TXNL4A: variants seen among roughly 807,000 people sequenced by gnomAD.
The protein encoded by TXNL4A is thioredoxin-like protein 4A.
A neutral mutation model predicts 14.6 loss-of-function variants in TXNL4A; 17 were observed. The ratio of observed to expected loss-of-function variants is 1.16; its 90% CI spans 0.80 to 1.74. TXNL4A has a LOEUF of 1.74. TXNL4A is among the 40% of genes most tolerant of loss of function. TXNL4A has a pLI of 0.00. For synonymous variants in TXNL4A, 83 were observed against 70.6 expected (o/e 1.18, Z -0.88); for missense variants, 74 against 195.2 (o/e 0.38, Z 3.70).
Position 79,976,742 on chromosome 18 carries a change from G to A in TXNL4A, c.257+856C>T. ...CCGAGTAGGAGGCTCCACTTTTGGA[G>A]AATGGTCTAATGCTCATGTAGCTAA... On this transcript the variant is annotated intron_variant, in intron 2 of 2. Transcript: ENST00000269601. 9 of 455,960 alleles carry A rather than the reference G, an allele frequency of 2.0e-5. No individual in the cohort carries two copies. In the Middle Eastern group the frequency reaches 2.9e-3, roughly 148 times the overall value. 28.2% of individuals were successfully genotyped at this position (455,960 alleles called of 1,614,324 possible). A position where few individuals can be genotyped will look rare whatever the true frequency, so the allele number is the denominator to read the frequency against.
At chr18:79,994,724 T>TTC (rs2051649472) in intron 1 of TXNL4A, among the ~76,000 whole-genome samples, 1 of 152,184 alleles carries the variant, frequency 6.6e-6, no homozygotes, top group East Asian at 1.9e-4. Context: ...CTCTAATCGT[T>TTC]TCTCTCTCTT....
At chr18:79,981,446 C>T (rs186637996) in intron 1 of TXNL4A, among the ~76,000 whole-genome samples, 435 of 152,012 alleles carry the variant, frequency 2.9e-3, no homozygotes, top group African/African-American at 9.4e-3. Flanking sequence ...CTGAGGCGGG[C>T]GGATCACTTG....
chr18:79,998,605 C>T (rs1407271718), intron 1 of TXNL4A, among the ~76,000 whole-genome samples: 3 of 149,238 alleles, frequency 2.0e-5, no homozygotes, highest in Non-Finnish European at 3.0e-5. Flanking sequence ...TGAGGGCTGC[C>T]TCCTTGTGTG....
intron 1 of TXNL4A, among the ~76,000 whole-genome samples, chr18:80,017,963 G>C (rs1259247623): frequency 1.3e-5 from 2 of 151,046 alleles, no homozygotes; most frequent in Non-Finnish European, 2.9e-5. Flanking sequence ...TGTACCTCTG[G>C]TAGAATTCGG....
chr18:79,988,568 G>A (rs1325651499), upstream of TXNL4A: 2 of 606,710 alleles, frequency 3.3e-6, no homozygotes, highest in Non-Finnish European at 4.8e-6. Flanking sequence ...ACGTCTGGGC[G>A]CGCACGCACC....
chr18:79,983,528 A>G (rs2051496001), intron 1 of TXNL4A, among the ~76,000 whole-genome samples: 1 of 152,252 alleles, frequency 6.6e-6, no homozygotes, highest in Non-Finnish European at 1.5e-5. Context: ...ACACTTTTGT[A>G]TGGAGTCCCT....
chr18:79,976,136 C>T (rs1186446640), intron 2 of TXNL4A, among the ~76,000 whole-genome samples: 1 of 152,180 alleles, frequency 6.6e-6, no homozygotes, highest in African/African-American at 2.4e-5. Context: ...CAGTGCCTCA[C>T]GCTTTGGCAG....
intron 1 of TXNL4A, chr18:80,033,828 C>G (rs1340024697): frequency 2.1e-5 from 3 of 146,240 alleles, no homozygotes; most frequent in African/African-American, 7.7e-5. Flanking sequence ...CGTTGCCGCC[C>G]CCCCCGCCCG....
chr18:79,981,439 A>G (rs1301170717), intron 1 of TXNL4A, among the ~76,000 whole-genome samples: 1 of 152,246 alleles, frequency 6.6e-6, no homozygotes, highest in Non-Finnish European at 1.5e-5. Context: ...TGGGAGGCTG[A>G]GGCGGGCGGA....
intron 1 of TXNL4A, among the ~76,000 whole-genome samples, chr18:80,015,076 C>T (rs1010805724): frequency 3.9e-5 from 6 of 152,168 alleles, no homozygotes; most frequent in African/African-American, 1.2e-4. Flanking sequence ...GCAAGGGGAC[C>T]CTGGGCCCAG....
chr18:79,983,429 G>A (rs1044055064), intron 1 of TXNL4A, among the ~76,000 whole-genome samples: 4 of 152,034 alleles, frequency 2.6e-5, no homozygotes, highest in African/African-American at 4.8e-5. Flanking sequence ...CAGTTCTTCC[G>A]CATGCCTCTA....
chr18:79,981,486 A>T (rs761764645), intron 1 of TXNL4A, among the ~76,000 whole-genome samples: 3 of 152,040 alleles, frequency 2.0e-5, no homozygotes, highest in Non-Finnish European at 4.4e-5. Context: ...AACCTGGCCA[A>T]CGTGGTGCAA....
At chr18:80,033,891 C>T (rs2051946560) in exon 1 of TXNL4A, 1 of 149,610 alleles carries the variant, frequency 6.7e-6, no homozygotes, top group Admixed American at 6.7e-5. Flanking sequence ...GCTCGCTTCG[C>T]TCTGGTAGTC....
chr18:80,025,085 A>C (rs1299091369), intron 1 of TXNL4A, among the ~76,000 whole-genome samples: 1 of 152,188 alleles, frequency 6.6e-6, no homozygotes, highest in Non-Finnish European at 1.5e-5. Flanking sequence ...AGTTACAATG[A>C]CCTAAATGGG....
intron 1 of TXNL4A, among the ~76,000 whole-genome samples, chr18:80,004,052 G>A (rs1267851014): frequency 6.6e-6 from 1 of 151,572 alleles, no homozygotes; most frequent in Non-Finnish European, 1.5e-5. Context: ...TGGTCTCAAA[G>A]TCCTGGCTTC....
chr18:79,993,907 A>G lies in TXNL4A; in HGVS notation c.-60-16206T>C, dbSNP rs901461013. Among the ~76,000 whole-genome samples, 31 of 152,260 alleles carry G rather than the reference A, an allele frequency of 2.0e-4. No individual in the cohort carries two copies. In the South Asian group the frequency reaches 2.7e-3, roughly 13 times the overall value. On this transcript the variant is annotated intron_variant, in intron 1 of 2. Coordinates refer to the TXNL4A transcript ENST00000585474. The surrounding 1 kb of genome is among the most constrained non-coding windows in gnomAD (Gnocchi z 4.4). ...ACCCTTCCCACACCTGGAGCCCCTGACACACTTTACCAGGTAGCCGCGACA... is the reference window on the plus strand; with the variant it reads ...ACCCTTCCCACACCTGGAGCCCCTGGCACACTTTACCAGGTAGCCGCGACA...
intron 1 of TXNL4A, among the ~76,000 whole-genome samples, chr18:80,008,342 T>C (rs540135484): frequency 1.1e-4 from 17 of 152,134 alleles, no homozygotes; most frequent in Non-Finnish European, 2.2e-4. Context: ...CAGTTTTACA[T>C]CTGAGAAAAG....
At chr18:80,033,547 C>T (rs2145136417) in intron 1 of TXNL4A, among the ~76,000 whole-genome samples, 1 of 152,376 alleles carries the variant, frequency 6.6e-6, no homozygotes, top group East Asian at 1.9e-4. Context: ...CCTGGAGGGC[C>T]CAGTGGCGGA....
intron 1 of TXNL4A, among the ~76,000 whole-genome samples, chr18:79,998,791 A>G (rs1355280402): frequency 1.3e-5 from 2 of 150,688 alleles, no homozygotes; most frequent in African/African-American, 2.5e-5. Context: ...CCATCTTCCA[A>G]TATTACTACT....
Sources: allele counts gnomAD v4.1 joint callset (sites outside exome capture counted in the v4.1 genomes callset), GRCh38; gene constraint gnomAD v4.1.1; non-coding constraint Gnocchi (gnomAD v3.1); transcripts MANE v1.5; gene names NCBI Gene and HGNC (gene_info 2026-07-23, HGNC 2026-07-21).